Variants in TRPM3 observed in about 807,000 individuals in gnomAD.
TRPM3 encodes long transient receptor potential channel 3.
Under a neutral mutation model 181.2 loss-of-function variants are expected in TRPM3, and 77 were observed. The ratio of observed to expected loss-of-function variants is 0.42; its 90% confidence interval spans 0.35 to 0.51. The LOEUF is 0.51. TRPM3 is among the 20% of genes least tolerant of loss of function. TRPM3 has a pLI of 0.01. For missense variants in TRPM3, 1,759 were observed against 2,196.7 expected (o/e 0.80, Z 3.98); for synonymous variants, 745 against 796.4 (o/e 0.94, Z 1.09).
chr9:70,974,704 G>A lies in TRPM3; in HGVS notation c.178-110193C>T, dbSNP rs1430764284. On this transcript the variant is annotated intron_variant, in intron 1 of 25. Transcript: ENST00000677713. ...AGATCACACGACTGCACTCCAGTCT[G>A]GGTGACAGAGTGAGACTCCATCTCA... 2.6e-5 allele frequency among the ~76,000 whole-genome samples: 4 copies of A among 151,214 alleles called. No homozygotes were observed. In the South Asian group the frequency reaches 6.3e-4, roughly 24 times the overall value.
chr9:71,157,850 G>A (rs540506538), intron 1 of TRPM3, among the ~76,000 whole-genome samples: 36 of 152,002 alleles, frequency 2.4e-4, no homozygotes, highest in Non-Finnish European at 4.4e-4. Context: ...AGTAGCTTAG[G>A]AAGAGAAGAT....
intron 1 of TRPM3, among the ~76,000 whole-genome samples, chr9:70,964,853 A>G (rs1390845332): frequency 3.3e-5 from 5 of 152,122 alleles, no homozygotes. Context: ...TTTCTGTTAT[A>G]TGGGACAATA....
intron 1 of TRPM3, among the ~76,000 whole-genome samples, chr9:70,985,079 G>C (rs1895064): frequency 0.14 from 21,362 of 152,142 alleles, 1,660 homozygotes; most frequent in African/African-American, 0.21. Flanking sequence ...GAAAGTAAAA[G>C]AACATGAGAT....
intron 1 of TRPM3, among the ~76,000 whole-genome samples, chr9:71,133,387 C>T (rs372203514): frequency 7.7e-5 from 11 of 143,174 alleles, no homozygotes; most frequent in South Asian, 2.3e-4. Context: ...CTCTGCCTCC[C>T]AGATTCAATC....
At chr9:71,237,649 T>C (rs949803750) in intron 1 of TRPM3, among the ~76,000 whole-genome samples, 23 of 152,220 alleles carry the variant, frequency 1.5e-4, no homozygotes, top group African/African-American at 5.5e-4. Flanking sequence ...TAAAAAGTGC[T>C]TGGCAGATTT....
chr9:70,973,261 A>C (rs2039644), intron 1 of TRPM3, among the ~76,000 whole-genome samples: 45,019 of 151,992 alleles, frequency 0.3, 6,683 homozygotes, highest in East Asian at 0.37. Flanking sequence ...TATCATACTG[A>C]CAAGGCCACT....
intron 22 of TRPM3, among the ~76,000 whole-genome samples, chr9:70,561,889 T>C (rs2049183025): frequency 2.0e-5 from 3 of 152,218 alleles, no homozygotes; most frequent in Non-Finnish European, 4.4e-5. Flanking sequence ...TCTTTCCATC[T>C]TCCTGACGCC....
chr9:71,168,555 TATTTATTTATTTA>T (rs2076658338), intron 1 of TRPM3, among the ~76,000 whole-genome samples: 1 of 106,998 alleles, frequency 9.3e-6, no homozygotes, highest in African/African-American at 3.5e-5. Context: ...TTTATTTATT[TATTTATTTATTTA>T]TTTATTTTTG....
chr9:70,844,871 A>G (rs548006783), intron 4 of TRPM3, among the ~76,000 whole-genome samples: 34 of 152,340 alleles, frequency 2.2e-4, no homozygotes, highest in Non-Finnish European at 4.6e-4. Context: ...GTTGGTCTCT[A>G]TGTGACAGGA....
intron 11 of TRPM3, among the ~76,000 whole-genome samples, chr9:70,637,059 G>C (rs1421401205): frequency 6.6e-6 from 1 of 152,158 alleles, no homozygotes; most frequent in African/African-American, 2.4e-5. Flanking sequence ...GCCCATTCAT[G>C]TGGACGTGCC....
At chr9:70,655,635 G>T (rs2065669648) in intron 9 of TRPM3, among the ~76,000 whole-genome samples, 1 of 152,008 alleles carries the variant, frequency 6.6e-6, no homozygotes, top group African/African-American at 2.4e-5. Flanking sequence ...GGCCTTTATG[G>T]TTTCTACAAT....
intron 1 of TRPM3, among the ~76,000 whole-genome samples, chr9:70,940,902 C>T (rs1312532366): frequency 6.6e-6 from 1 of 152,196 alleles, no homozygotes; most frequent in East Asian, 1.9e-4. Flanking sequence ...AAAAAACTGG[C>T]TCTGTTTTTA....
intron 1 of TRPM3, among the ~76,000 whole-genome samples, chr9:71,052,486 T>C (rs1417104627): frequency 6.6e-6 from 1 of 152,182 alleles, no homozygotes; most frequent in Non-Finnish European, 1.5e-5. Flanking sequence ...CAATTAGCTA[T>C]GTGTGCAAGG....
chr9:70,644,124 C>T (rs1025960369), intron 9 of TRPM3, among the ~76,000 whole-genome samples: 9 of 152,138 alleles, frequency 5.9e-5, no homozygotes, highest in East Asian at 1.9e-4. Context: ...TGTCATTGAA[C>T]GTCCAATGAC....
chr9:71,330,579 T>C (rs1479609653), intron 1 of TRPM3, among the ~76,000 whole-genome samples: 2 of 151,946 alleles, frequency 1.3e-5, no homozygotes, highest in African/African-American at 2.4e-5. Flanking sequence ...TAGTATGCTA[T>C]AGCAGAAAAA....
intron 6 of TRPM3, among the ~76,000 whole-genome samples, chr9:70,813,336 A>T (rs553646290): frequency 6.6e-6 from 1 of 152,252 alleles, no homozygotes; most frequent in Admixed American, 6.5e-5. Context: ...GCCATAAAAA[A>T]GAATAAAATC....
At chr9:70,903,584 TAAG>T (rs1464568843) in intron 1 of TRPM3, among the ~76,000 whole-genome samples, 4 of 152,122 alleles carry the variant, frequency 2.6e-5, no homozygotes, top group Non-Finnish European at 4.4e-5. Context: ...AACTGAAAGA[TAAG>T]AAATTTGCCT....
At chr9:71,161,489 C>T (rs1276980414) in intron 1 of TRPM3, among the ~76,000 whole-genome samples, 1 of 152,152 alleles carries the variant, frequency 6.6e-6, no homozygotes, top group Non-Finnish European at 1.5e-5. Context: ...AAGAAACATG[C>T]ACCTTACTTC....
intron 1 of TRPM3, among the ~76,000 whole-genome samples, chr9:71,425,377 A>G (rs1384583917): frequency 6.6e-6 from 1 of 152,000 alleles, no homozygotes; most frequent in Non-Finnish European, 1.5e-5. Flanking sequence ...TCCAAAGCCT[A>G]TTTCTCCCCA....
Sources: allele counts gnomAD v4.1 joint callset (sites outside exome capture counted in the v4.1 genomes callset), GRCh38; gene constraint gnomAD v4.1.1; transcripts MANE v1.5; gene names NCBI Gene and HGNC (gene_info 2026-07-23, HGNC 2026-07-21).